HOMER1: variants seen among roughly 807,000 people sequenced by gnomAD.
The protein encoded by HOMER1 is homer scaffold protein 1, also known as homer protein homolog 1.
Under a neutral mutation model 48.9 loss-of-function variants are expected in HOMER1, and 3 were observed. The observed-to-expected ratio is 0.06, with a 90% CI of 0.03 to 0.16. The LOEUF (loss-of-function observed/expected upper bound fraction) is 0.16. Ranked by LOEUF, HOMER1 falls within the 10% of genes least tolerant of loss-of-function variation. The probability of loss-of-function intolerance (pLI) is 1.00; values close to 1 mark genes in which losing one functional copy is unlikely to be tolerated. For missense variants in HOMER1, 247 were observed against 411.4 expected (o/e 0.60, Z 3.46); for synonymous variants, 134 against 146.4 (o/e 0.92, Z 0.61).
chr5:79,494,946 C>T (rs1167850404), intron 1 of HOMER1, among the ~76,000 whole-genome samples: 1 of 152,190 alleles, frequency 6.6e-6, no homozygotes, highest in Non-Finnish European at 1.5e-5. Flanking sequence ...TAACTACCAA[C>T]TTAAAATTGT....
chr5:79,478,727 G>A (rs555592731), intron 1 of HOMER1, among the ~76,000 whole-genome samples: 52 of 152,176 alleles, frequency 3.4e-4, no homozygotes, highest in African/African-American at 1.2e-3. Context: ...TGAGGCGGGC[G>A]GATCACCTGA....
chr5:79,421,958 G>C (rs943618869), intron 5 of HOMER1, among the ~76,000 whole-genome samples: 6 of 152,076 alleles, frequency 3.9e-5, no homozygotes, highest in Non-Finnish European at 5.9e-5. Context: ...CGGATGCAGT[G>C]GCTCACACCT....
At chr5:79,441,991 C>T (rs1376622345) in intron 4 of HOMER1, among the ~76,000 whole-genome samples, 2 of 143,286 alleles carry the variant, frequency 1.4e-5, no homozygotes, top group Non-Finnish European at 3.0e-5. Flanking sequence ...GTGTGTATAC[C>T]CAAAGCTGAT....
intron 1 of HOMER1, among the ~76,000 whole-genome samples, chr5:79,479,459 A>G (rs1751884323): frequency 2.0e-5 from 3 of 152,182 alleles, no homozygotes; most frequent in African/African-American, 4.8e-5. Context: ...ACAGAAGGTG[A>G]TATGATGAAG....
intron 8 of HOMER1, among the ~76,000 whole-genome samples, chr5:79,396,297 AT>A (rs201908241): frequency 1.3e-3 from 193 of 144,846 alleles, no homozygotes; most frequent in Admixed American, 2.6e-3. Context: ...ACATTGTAAA[AT>A]AATAATAATA....
chr5:79,438,507 A>C (rs1479851226), intron 5 of HOMER1, among the ~76,000 whole-genome samples: 1 of 152,142 alleles, frequency 6.6e-6, no homozygotes, highest in African/African-American at 2.4e-5. Flanking sequence ...ACATTAACAA[A>C]CCCATGCTAA....
intron 8 of HOMER1, among the ~76,000 whole-genome samples, chr5:79,380,899 C>G (rs1748952389): frequency 6.6e-6 from 1 of 152,148 alleles, no homozygotes; most frequent in South Asian, 2.1e-4. Flanking sequence ...CCGCCACTGC[C>G]AACACCAGCA....
At chr5:79,411,114 G>A (rs1345463939) in intron 5 of HOMER1, among the ~76,000 whole-genome samples, 1 of 152,158 alleles carries the variant, frequency 6.6e-6, no homozygotes, top group Non-Finnish European at 1.5e-5. Context: ...TTCAAATCTA[G>A]AGGGAGTTCA....
intron 5 of HOMER1, among the ~76,000 whole-genome samples, chr5:79,413,867 CA>C (rs775166835): frequency 1.3e-5 from 2 of 152,000 alleles, no homozygotes; most frequent in Non-Finnish European, 2.9e-5. Context: ...GAAATGAAAA[CA>C]GAGTAATCTT....
At chr5:79,416,371 G>A (rs1012398489) in intron 5 of HOMER1, among the ~76,000 whole-genome samples, 4 of 152,228 alleles carry the variant, frequency 2.6e-5, no homozygotes, top group Admixed American at 6.5e-5. Flanking sequence ...CTGATTGTGA[G>A]AGGGGAGAAG....
At chr5:79,419,986 G>T (rs1355224291) in intron 5 of HOMER1, among the ~76,000 whole-genome samples, 1 of 144,406 alleles carries the variant, frequency 6.9e-6, no homozygotes, top group East Asian at 2.3e-4. Flanking sequence ...AATGATTAAA[G>T]AAGCATTCTT....
intron 1 of HOMER1, among the ~76,000 whole-genome samples, chr5:79,500,953 G>C (rs1299355208): frequency 8.8e-6 from 1 of 113,758 alleles, no homozygotes; most frequent in African/African-American, 3.5e-5. Flanking sequence ...GTGTGTGTGT[G>C]AGACAGACAG....
chr5:79,405,048 G>A (rs1749629984), intron 5 of HOMER1, among the ~76,000 whole-genome samples: 1 of 151,948 alleles, frequency 6.6e-6, no homozygotes. Context: ...GCTGAACTGT[G>A]TCCCTCCAAA....
intron 5 of HOMER1, among the ~76,000 whole-genome samples, chr5:79,427,452 G>C (rs773560214): frequency 1.3e-5 from 2 of 152,012 alleles, no homozygotes; most frequent in East Asian, 1.9e-4. Context: ...ACAGTGGCAC[G>C]ATCTTAGCTC....
At chr5:79,461,947 C>G (rs1174551218) in intron 1 of HOMER1, among the ~76,000 whole-genome samples, 1 of 152,084 alleles carries the variant, frequency 6.6e-6, no homozygotes, top group Non-Finnish European at 1.5e-5. Context: ...GCCTGTAATC[C>G]CAGCACTTTG....
chr5:79,374,403 AAATT>A lies in HOMER1; in HGVS notation c.*1602_*1605del, dbSNP rs546915376. The A allele has an allele frequency of 1.3e-5, 2 of 152,458 alleles. No individual in the cohort carries two copies. Among genetic ancestry groups the A allele is most frequent in the African/African-American group, 2.4e-5 (1 of 41,452 alleles). The allele number at this position is 152,458 out of a possible 1,614,324, so 9.4% of individuals were successfully genotyped here. A position where few individuals can be genotyped will look rare whatever the true frequency, so the allele number is the denominator to read the frequency against. Reference sequence around the variant, plus strand: ...AACCATTTATTTTTCACTCTAATGTAAATTAATATGTATGTATTTACGTACATAC... The same window carrying A: ...AACCATTTATTTTTCACTCTAATGTAAATATGTATGTATTTACGTACATAC... On this transcript the variant is annotated 3_prime_UTR_variant, in exon 9 of 9. Coordinates refer to ENST00000334082, the MANE Select transcript of HOMER1 (RefSeq NM_004272.5).
chr5:79,448,003 C>T (rs1272864487), intron 3 of HOMER1, among the ~76,000 whole-genome samples: 2 of 152,108 alleles, frequency 1.3e-5, no homozygotes, highest in Non-Finnish European at 2.9e-5. Flanking sequence ...CATAAACGAA[C>T]TCTGATTTCA....
chr5:79,385,914 A>G (rs879382945), intron 8 of HOMER1, among the ~76,000 whole-genome samples: 3 of 151,522 alleles, frequency 2.0e-5, no homozygotes, highest in Non-Finnish European at 4.4e-5. Flanking sequence ...TTACTTTCAG[A>G]TAACATCAGA....
chr5:79,479,450 C>CA (rs751974399), intron 1 of HOMER1, among the ~76,000 whole-genome samples: 1 of 152,128 alleles, frequency 6.6e-6, no homozygotes, highest in Non-Finnish European at 1.5e-5. Context: ...CATTTAGCTA[C>CA]AGAAGGTGAT....
Sources: allele counts gnomAD v4.1 joint callset (sites outside exome capture counted in the v4.1 genomes callset), GRCh38; gene constraint gnomAD v4.1.1; transcripts MANE v1.5; gene names NCBI Gene and HGNC (gene_info 2026-07-23, HGNC 2026-07-21).